SVEP1: variants seen among roughly 807,000 people sequenced by gnomAD.
SVEP1 encodes sushi, von Willebrand factor type A, EGF and pentraxin domain containing 1, also known as sushi, von Willebrand factor type A, EGF and pentraxin domain-containing protein 1.
In SVEP1, 164 loss-of-function variants were observed where a neutral mutation model predicts 367.3. The observed-to-expected ratio is 0.45, with a 90% CI of 0.39 to 0.51. The LOEUF (loss-of-function observed/expected upper bound fraction) is 0.51, where lower values mean the gene tolerates loss of function less well. Ranked by LOEUF, SVEP1 falls within the 20% of genes least tolerant of loss-of-function variation. The pLI, the probability that SVEP1 is intolerant of heterozygous loss-of-function variation, is 0.00. For missense variants in SVEP1, 4,117 were observed against 4,425.3 expected (o/e 0.93, Z 1.98); for synonymous variants, 1,666 against 1,611.6 (o/e 1.03, Z -0.81).
chr9:110,368,026 C>A (rs58515742), intron 47 of SVEP1, among the ~76,000 whole-genome samples: 1 of 152,040 alleles, frequency 6.6e-6, no homozygotes, highest in Non-Finnish European at 1.5e-5. Flanking sequence ...TGCAGTAAGC[C>A]GAGATTGCAC....
chr9:110,476,357 T>C (rs1394281822), intron 13 of SVEP1, 42 bp from the exon 14 acceptor site: 1 of 1,436,650 alleles, frequency 7.0e-7, no homozygotes, highest in African/African-American at 1.4e-5. Flanking sequence ...AAATCACTTT[T>C]CTGCATGCCT....
intron 5 of SVEP1, among the ~76,000 whole-genome samples, chr9:110,511,111 C>G (rs1829704287): frequency 6.6e-6 from 1 of 152,184 alleles, no homozygotes; most frequent in African/African-American, 2.4e-5. Flanking sequence ...GAAATGGACA[C>G]AGTTTTCTGT....
intron 40 of SVEP1, among the ~76,000 whole-genome samples, chr9:110,398,094 C>G (rs1827796152): frequency 6.6e-6 from 1 of 151,450 alleles, no homozygotes; most frequent in African/African-American, 2.4e-5. Context: ...TCAAACCATA[C>G]TACAAGGCTA....
intron 37 of SVEP1, among the ~76,000 whole-genome samples, 158 bp downstream of exon 37, chr9:110,410,905 A>G (rs190921803): frequency 6.6e-6 from 1 of 152,356 alleles, no homozygotes; most frequent in Non-Finnish European, 1.5e-5. Context: ...AAAATGTTAA[A>G]AAGATTATCA....
intron 12 of SVEP1, 61 bp from the exon 13 acceptor site, chr9:110,479,817 T>A: frequency 6.4e-7 from 1 of 1,564,308 alleles, no homozygotes; most frequent in Non-Finnish European, 8.6e-7. Flanking sequence ...AAGATTTGAC[T>A]TTCTATGAAA....
chr9:110,525,134 C>T (rs1467157001), intron 3 of SVEP1, among the ~76,000 whole-genome samples: 4 of 151,994 alleles, frequency 2.6e-5, no homozygotes, highest in South Asian at 2.1e-4. Flanking sequence ...AAAACGTATT[C>T]GGATTAGAAA....
At chr9:110,438,130 G>A (rs752667909) in intron 27 of SVEP1, among the ~76,000 whole-genome samples, 9 of 149,604 alleles carry the variant, frequency 6.0e-5, no homozygotes, top group African/African-American at 1.5e-4. Context: ...GGTGTTGTGA[G>A]ACCATCTTGA....
intron 36 of SVEP1, among the ~76,000 whole-genome samples, chr9:110,422,893 TCTCA>T (rs1025152453): frequency 9.2e-5 from 9 of 97,320 alleles, no homozygotes; most frequent in South Asian, 3.9e-4. Context: ...CACCGCATAT[TCTCA>T]CTCATAGGTG....
chr9:110,547,541 C>T (rs753033218), intron 2 of SVEP1, among the ~76,000 whole-genome samples: 2 of 152,070 alleles, frequency 1.3e-5, no homozygotes, highest in Non-Finnish European at 2.9e-5. Flanking sequence ...CACCACTGCA[C>T]TATATAGCCT....
At chr9:110,552,364 T>G (rs1830300929) in intron 1 of SVEP1, among the ~76,000 whole-genome samples, 1 of 151,920 alleles carries the variant, frequency 6.6e-6, no homozygotes, top group Non-Finnish European at 1.5e-5. Context: ...TCCCCAAACT[T>G]TTTGGCACCT....
intron 8 of SVEP1, among the ~76,000 whole-genome samples, chr9:110,495,336 C>A (rs530469860): frequency 6.6e-6 from 1 of 152,200 alleles, no homozygotes; most frequent in South Asian, 2.1e-4. Flanking sequence ...AATTAAGAAT[C>A]TTAAAATTAG....
chr9:110,415,282 G>C (rs1328274603), intron 36 of SVEP1, among the ~76,000 whole-genome samples: 3 of 151,866 alleles, frequency 2.0e-5, no homozygotes, highest in African/African-American at 4.9e-5. Flanking sequence ...TTCAAGGAAA[G>C]GCCAATGAAA....
In SVEP1 at chr9:110,367,129, G is replaced by A. The variant is rs561270962; in HGVS notation, c.10695-569C>T. Among the ~76,000 whole-genome samples, 5 of 152,278 alleles carry A rather than the reference G, an allele frequency of 3.3e-5. No individual in the cohort carries two copies. The East Asian group carries it at 9.6e-4, about 29-fold the overall frequency. ...CCATCTGTTAACAAACCTTTATTGA[G>A]CAGCGACTTTTGTGCCTGTACAAGG... On this transcript the variant is annotated intron_variant, in intron 47 of 47. Transcript: ENST00000374469.
intron 24 of SVEP1, among the ~76,000 whole-genome samples, chr9:110,448,152 C>CAT (rs1554715865): frequency 1.0e-4 from 14 of 138,754 alleles, no homozygotes; most frequent in Non-Finnish European, 6.4e-5. Context: ...TGTGTGTGCG[C>CAT]GTGTGTGTGT....
At chr9:110,487,829 T>C (rs1404408268) in intron 9 of SVEP1, among the ~76,000 whole-genome samples, 2 of 152,148 alleles carry the variant, frequency 1.3e-5, no homozygotes, top group African/African-American at 4.8e-5. Context: ...GATAAAGAAA[T>C]TGAGGTATAG....
chr9:110,500,335 C>T (rs1829513421), intron 6 of SVEP1, among the ~76,000 whole-genome samples: 1 of 152,198 alleles, frequency 6.6e-6, no homozygotes, highest in African/African-American at 2.4e-5. Flanking sequence ...CCTTTATTTA[C>T]AGCTGGGCCT....
chr9:110,417,270 G>A (rs949487505), intron 36 of SVEP1, among the ~76,000 whole-genome samples: 11 of 141,012 alleles, frequency 7.8e-5, no homozygotes, highest in African/African-American at 1.9e-4. Flanking sequence ...CACCGTGCGC[G>A]AGCCGAAGCA....
At chr9:110,461,448 C>G (rs1828855906) in intron 18 of SVEP1, among the ~76,000 whole-genome samples, 1 of 152,160 alleles carries the variant, frequency 6.6e-6, no homozygotes, top group African/African-American at 2.4e-5. Flanking sequence ...CTCAGGATGT[C>G]AACATCCTTA....
At chr9:110,369,120 T>TATAGC (rs1243220502) in intron 47 of SVEP1, among the ~76,000 whole-genome samples, 1 of 152,168 alleles carries the variant, frequency 6.6e-6, no homozygotes, top group South Asian at 2.1e-4. Context: ...AGTCTTAAAA[T>TATAGC]ATAGCTGATA....
Sources: allele counts gnomAD v4.1 joint callset (sites outside exome capture counted in the v4.1 genomes callset), GRCh38; gene constraint gnomAD v4.1.1; transcripts MANE v1.5; gene names NCBI Gene and HGNC (gene_info 2026-07-23, HGNC 2026-07-21).